The following RBM26 variants were observed in gnomAD, a reference collection of about 807,000 sequenced individuals.
The protein encoded by RBM26 is RNA-binding protein 26.
RBM26 carries 30 observed loss-of-function variants against 123.6 expected under a neutral mutation model. The observed-to-expected ratio is 0.24, with a 90% CI of 0.18 to 0.33. The LOEUF is 0.33. RBM26 is among the 10% of genes least tolerant of loss of function. The pLI, the probability that RBM26 is intolerant of heterozygous loss-of-function variation, is 1.00. For missense variants in RBM26, 947 were observed against 1,203.6 expected (o/e 0.79, Z 3.15); for synonymous variants, 400 against 404.4 (o/e 0.99, Z 0.13).
At position 79,356,369 on chromosome 13, in the gene RBM26, CAAAAA is replaced by C. The variant is rs72305160; in HGVS notation, c.1690-990_1690-986del. 7.3e-4 allele frequency among the ~76,000 whole-genome samples: 61 copies of C among 83,490 alleles called. 1 individual carries two copies. The highest frequency in any genetic ancestry group is 2.8e-3 in the African/African-American group (55 of 19,788). The allele number at this position is 83,490 out of a possible 152,430, so 54.8% of individuals were successfully genotyped here. A position where few individuals can be genotyped will look rare whatever the true frequency, so the allele number is the denominator to read the frequency against. On this transcript the variant is annotated intron_variant, in intron 11 of 21. Transcript: ENST00000438737. Reference sequence around the variant, plus strand: ...CAGTGACAAGAGTGAGACTCTGTCTCAAAAAAAAAAAAAAACAAACAAAAAAAAAC... The same window carrying C: ...CAGTGACAAGAGTGAGACTCTGTCTCAAAAAAAAAACAAACAAAAAAAAAC...
intron 6 of RBM26, among the ~76,000 whole-genome samples, chr13:79,368,068 C>G (rs1293207268): frequency 6.6e-6 from 1 of 151,536 alleles, no homozygotes; most frequent in Admixed American, 6.6e-5. Context: ...CTCTGTCACC[C>G]GGGCTAGAGT....
intron 1 of RBM26, 58 bp from the exon 2 acceptor site, chr13:79,378,965 C>A: frequency 9.8e-7 from 1 of 1,025,040 alleles, no homozygotes; most frequent in Non-Finnish European, 1.5e-6. Context: ...CTACAAATTC[C>A]AGTTACAAAC....
rs1482154843 is a variant in RBM26, at chr13:79,379,289, C to T, written c.72-382G>A. Among the ~76,000 whole-genome samples the T allele has an allele frequency of 6.7e-5, 10 of 150,036 alleles. 1 individual carries two copies. On this transcript the variant is annotated intron_variant, in intron 1 of 21. Transcript: ENST00000438737. ...TGAATCAGTCCTGTAATGACAGCAC[C>T]TTGGGAGACCTAGGCGGGCAGATCG...
chr13:79,405,870 C>A lies in RBM26; in HGVS notation c.-96G>T. ...CCCGCCCCCTCCTCCGCGCGCCGCC[C>A]GCGTGGGCCGCGGTGGGAGGCGCCG... is the stretch of plus-strand genomic sequence containing the variant. On this transcript the variant is annotated 5_prime_UTR_variant, in exon 1 of 22. Coordinates refer to ENST00000438737, the MANE Select transcript of RBM26 (RefSeq NM_001366735.2). 1 of 669,804 alleles carries A rather than the reference C, an allele frequency of 1.5e-6. No homozygotes were observed. Among genetic ancestry groups the A allele is most frequent in the Non-Finnish European group, 2.1e-6 (1 of 472,262 alleles). The allele number at this position is 669,804 out of a possible 1,614,324, so 41.5% of individuals were successfully genotyped here. A position where few individuals can be genotyped will look rare whatever the true frequency, so the allele number is the denominator to read the frequency against.
rs142104930 is a variant in RBM26, at chr13:79,335,430, A to G, written c.2734-1000T>C. ...CAAAGTAAGTGCTCTATAGGTTTTTAGTTATAATTTTTATTACTATTACTA... is the reference window on the plus strand; with the variant it reads ...CAAAGTAAGTGCTCTATAGGTTTTTGGTTATAATTTTTATTACTATTACTA... On this transcript the variant is annotated intron_variant, in intron 19 of 21. Transcript: ENST00000438737. Among the ~76,000 whole-genome samples the G allele has an allele frequency of 2.9e-3, 437 of 152,240 alleles. 4 individuals are homozygous for G. The highest frequency in any genetic ancestry group is 0.01 in the African/African-American group (418 of 41,552).
chr13:79,381,592 C>G (rs1482186737), intron 1 of RBM26, among the ~76,000 whole-genome samples: 1 of 152,034 alleles, frequency 6.6e-6, no homozygotes, highest in South Asian at 2.1e-4. Context: ...ATTCTCTCAA[C>G]GAAATACCAA....
At chr13:79,390,793 A>G (rs1594678341) in intron 1 of RBM26, among the ~76,000 whole-genome samples, 1 of 152,200 alleles carries the variant, frequency 6.6e-6, no homozygotes, top group Admixed American at 6.5e-5. Flanking sequence ...AATTTTCAAA[A>G]TAAAGTTGTA....
chr13:79,376,035 C>T (rs368784948), intron 3 of RBM26, among the ~76,000 whole-genome samples: 9 of 151,788 alleles, frequency 5.9e-5, no homozygotes, highest in African/African-American at 1.9e-4. Flanking sequence ...ATTTCCATTT[C>T]GCAGCTGAGT....
intron 11 of RBM26, among the ~76,000 whole-genome samples, chr13:79,356,875 A>T (rs572671661): frequency 2.6e-5 from 4 of 152,324 alleles, no homozygotes; most frequent in East Asian, 3.8e-4. Context: ...TTTAAAAAAA[A>T]TTTTAAATAT....
At chr13:79,336,097 C>T (rs2070336531) in intron 19 of RBM26, among the ~76,000 whole-genome samples, 1 of 152,064 alleles carries the variant, frequency 6.6e-6, no homozygotes, top group South Asian at 2.1e-4. Flanking sequence ...TGCTGCAAGC[C>T]TCCAATATGA....
chr13:79,402,482 A>G (rs1181733573), intron 1 of RBM26, among the ~76,000 whole-genome samples: 3 of 151,648 alleles, frequency 2.0e-5, no homozygotes, highest in Non-Finnish European at 4.4e-5. Context: ...TCTTGCCCTA[A>G]AACCCTTCAC....
chr13:79,387,007 TAG>T (rs2077553926), intron 1 of RBM26, among the ~76,000 whole-genome samples: 1 of 152,162 alleles, frequency 6.6e-6, no homozygotes, highest in Non-Finnish European at 1.5e-5. Context: ...TTATATATGT[TAG>T]AGATTCACTT....
intron 1 of RBM26, among the ~76,000 whole-genome samples, chr13:79,395,411 T>C (rs1359029172): frequency 2.0e-5 from 3 of 151,706 alleles, no homozygotes; most frequent in East Asian, 1.9e-4. Context: ...CAGAAATAAC[T>C]CTCCTTCGCA....
In RBM26 at chr13:79,320,280, C is replaced by T. The variant is rs2138333040; in HGVS notation, c.*341G>A. 1 of 985,742 alleles carries T rather than the reference C, an allele frequency of 1.0e-6. No individual in the cohort carries two copies. Among genetic ancestry groups the T allele is most frequent in the Non-Finnish European group, 1.2e-6 (1 of 827,134 alleles). 61.1% of individuals were successfully genotyped at this position (985,742 alleles called of 1,614,324 possible). A position where few individuals can be genotyped will look rare whatever the true frequency, so the allele number is the denominator to read the frequency against. ...TCCTTATTTGGAATAAAACAAAGTCCTCTAAGTTATAACAAGTATTGGTCA... is the reference window on the plus strand; with the variant it reads ...TCCTTATTTGGAATAAAACAAAGTCTTCTAAGTTATAACAAGTATTGGTCA... On this transcript the variant is annotated 3_prime_UTR_variant, in exon 22 of 22. Coordinates refer to ENST00000438737, the MANE Select transcript of RBM26 (RefSeq NM_001366735.2).
At position 79,366,117 on chromosome 13, in the gene RBM26, G is replaced by A; in HGVS notation, c.1214C>T (p.Thr405Ile). The A allele has an allele frequency of 6.2e-7, 1 of 1,614,070 alleles. No individual in the cohort carries two copies. Among genetic ancestry groups the A allele is most frequent in the Admixed American group, 1.7e-5 (1 of 60,024 alleles). The change falls in exon 8 of 22, where the codon ACT becomes ATT. Residue 405 changes from threonine to isoleucine, a missense_variant. Thr to Ile is a moderately conservative substitution (Grantham distance 89). Coordinates refer to ENST00000438737, the MANE Select transcript of RBM26 (RefSeq NM_001366735.2). The part of the protein sequence containing the change: ...PPNSATSSVP[T>I]VVTTGIHHQP... ...GTGATGAATGCCAGTTGTTACTACA[G>A]TAGGAACAGAACTGGTTGCAGAGTT...
At position 79,378,866 on chromosome 13, in the gene RBM26, G is replaced by C; in HGVS notation, c.113C>G (p.Ala38Gly). 6.2e-7 allele frequency: 1 copy of C among 1,613,362 alleles called. No individual in the cohort carries two copies. Among genetic ancestry groups the C allele is most frequent in the South Asian group, 1.1e-5 (1 of 91,042 alleles). Residue 38 changes from alanine (A) to glycine (G), a missense_variant, in exon 2 of 22, where the codon GCT becomes GGT. By Grantham distance (60) the Ala-to-Gly change is moderately conservative. Around this residue, in one of 5 missense-constraint regions of RBM26, gnomAD observed 275 missense variants for 361.0 expected, o/e 0.76. Transcript: ENST00000438737. Reference protein sequence around the residue: ...DPSALAKYVLALVKKDKSEKE... With the variant: ...DPSALAKYVLGLVKKDKSEKE... ...TTCACTTTTGTCTTTCTTTACCAAA[G>C]CCAGAACATATTTTGCTAGGGCGGA...
chr13:79,335,447 C>T (rs887134390), intron 19 of RBM26, among the ~76,000 whole-genome samples: 1 of 152,088 alleles, frequency 6.6e-6, no homozygotes, highest in Non-Finnish European at 1.5e-5. Context: ...ATTTTTATTA[C>T]TATTACTACT....
intron 5 of RBM26, 46 bp downstream of exon 5, chr13:79,370,899 A>G (rs1361949122): frequency 1.1e-5 from 17 of 1,559,834 alleles, no homozygotes; most frequent in Admixed American, 3.6e-5. Flanking sequence ...AAAAACATTT[A>G]AACATGGAGT....
rs184008363 is a variant in RBM26, at chr13:79,385,647, T to C, written c.72-6740A>G. Reference sequence around the variant, plus strand: ...TTTAAAAGAGTTATATCAATATTTATCAAGAATTAAAATTGAGAAAAAATT... The same window carrying C: ...TTTAAAAGAGTTATATCAATATTTACCAAGAATTAAAATTGAGAAAAAATT... On this transcript the variant is annotated intron_variant, in intron 1 of 21. Coordinates refer to ENST00000438737, the MANE Select transcript of RBM26 (RefSeq NM_001366735.2). Among the ~76,000 whole-genome samples the C allele has an allele frequency of 9.4e-3, 1,436 of 152,276 alleles. 111 individuals carry two copies. The East Asian group carries it at 0.15, about 16-fold the overall frequency.
Sources: gnomAD v4.1 joint callset for allele counts (sites outside exome capture counted in the v4.1 genomes callset) on GRCh38, gnomAD v4.1.1 for gene constraint, gnomAD v4.1.1 regional missense constraint, MANE v1.5 for transcripts, NCBI Gene and HGNC (gene_info 2026-07-23, HGNC 2026-07-21) for gene names.